The following ASB2 variants were observed in gnomAD, a reference collection of about 807,000 sequenced individuals.
The protein encoded by ASB2 is ankyrin repeat and SOCS box protein 2.
ASB2 carries 58 observed loss-of-function variants against 62.4 expected under a neutral mutation model. That is an observed-to-expected ratio of 0.93 (90% CI 0.75 to 1.16). The LOEUF (loss-of-function observed/expected upper bound fraction) is 1.16. Among genes scored for constraint, ASB2 ranks in the 50% most tolerant of loss-of-function variants. The probability of loss-of-function intolerance (pLI) is 0.00; values close to 1 mark genes in which losing one functional copy is unlikely to be tolerated. For synonymous variants in ASB2, 386 were observed against 385.3 expected (o/e 1.00, Z -0.02); for missense variants, 928 against 887.9 (o/e 1.05, Z -0.57).
rs200689971 is a variant in ASB2 at position 93,954,359 on chromosome 14, C to T, written c.436G>A (p.Ala146Thr). Residue 146 changes from alanine to threonine, a missense_variant, in exon 4 of 10, where the codon GCA becomes ACA. Transcript: ENST00000555019. ...KEGWLPLHEAAYYGQVGCLKV... is the reference protein window; with the variant it reads ...KEGWLPLHEATYYGQVGCLKV... ...AGGCAGCCCACCTGGCCATAGTATG[C>T]GGCCTCGTGCAGCGGCAGCCAGCCC... The T allele has an allele frequency of 3.3e-5, 54 of 1,613,406 alleles. No homozygotes were observed. The highest frequency in any genetic ancestry group is 6.7e-5 in the Admixed American group (4 of 60,026).
intron 1 of ASB2, among the ~76,000 whole-genome samples, chr14:93,974,940 C>T (rs1294178374): frequency 2.0e-5 from 3 of 152,224 alleles, no homozygotes; most frequent in Admixed American, 6.5e-5. Context: ...ACTCATGACC[C>T]GGCCTGTTTG....
At chr14:93,964,208 TG>T in intron 2 of ASB2, 125 bp downstream of exon 2, 1 of 801,676 alleles carries the variant, frequency 1.2e-6, no homozygotes, top group Non-Finnish European at 2.1e-6. Context: ...CAAATGTAAA[TG>T]GGAAAGGTGT....
intron 2 of ASB2, among the ~76,000 whole-genome samples, chr14:93,962,156 C>T (rs1218673501): frequency 3.8e-5 from 4 of 105,398 alleles, no homozygotes; most frequent in Non-Finnish European, 7.2e-5. Context: ...GCTCTGTCGC[C>T]CAGGCTGGAG....
chr14:93,962,215 C>T lies in ASB2; in HGVS notation c.206+2119G>A, dbSNP rs915500661. Reference sequence around the variant, plus strand: ...CTGCAAGCTCCGCCTCCCGGGTTCACACCATTCTCCTGCCTCAGCTTCCCA... The same window carrying T: ...CTGCAAGCTCCGCCTCCCGGGTTCATACCATTCTCCTGCCTCAGCTTCCCA... On this transcript the variant is annotated intron_variant, in intron 2 of 9. Coordinates refer to ENST00000555019, the MANE Select transcript of ASB2 (RefSeq NM_001202429.2). Among the ~76,000 whole-genome samples the T allele has an allele frequency of 3.2e-3, 430 of 133,800 alleles. 1 individual carries two copies. The highest frequency in any genetic ancestry group is 0.011 in the African/African-American group (406 of 36,634). The allele number at this position is 133,800 out of a possible 152,430, so 87.8% of individuals were successfully genotyped here.
chr14:93,934,587 G>A lies in ASB2; in HGVS notation c.*69C>T. On this transcript the variant is annotated 3_prime_UTR_variant, in exon 10 of 10. Transcript: ENST00000555019. ...CTGTCACCAGGTCCCCTTGGAGTTGGGAACACCGACGTCCTGAGACTTAGT... is the reference window on the plus strand; with the variant it reads ...CTGTCACCAGGTCCCCTTGGAGTTGAGAACACCGACGTCCTGAGACTTAGT... 1 of 1,548,394 alleles carries A rather than the reference G, an allele frequency of 6.5e-7. No homozygotes were observed. Among genetic ancestry groups the A allele is most frequent in the Non-Finnish European group, 8.9e-7 (1 of 1,128,422 alleles).
At position 93,934,387 on chromosome 14, in the gene ASB2, G is replaced by T. The variant is rs952724660; in HGVS notation, c.*269C>A. 24 of 471,840 alleles carry T rather than the reference G, an allele frequency of 5.1e-5. No homozygotes were observed. In the Admixed American group the frequency reaches 7.4e-4, roughly 15 times the overall value. 29.2% of individuals were successfully genotyped at this position (471,840 alleles called of 1,614,324 possible). ...CTCTGCCCTGGCCCCAGGAATAGAGGTTTCTGCCATTCCTGAAGGTAGAGA... is the reference window on the plus strand; with the variant it reads ...CTCTGCCCTGGCCCCAGGAATAGAGTTTTCTGCCATTCCTGAAGGTAGAGA... On this transcript the variant is annotated 3_prime_UTR_variant, in exon 10 of 10. Transcript: ENST00000555019.
chr14:93,952,113 G>C (rs3790053), intron 5 of ASB2, among the ~76,000 whole-genome samples: 43,595 of 152,170 alleles, frequency 0.29, 7,927 homozygotes, highest in African/African-American at 0.52. Context: ...CCTGTGTACT[G>C]TTTCAAATAG....
intron 1 of ASB2, among the ~76,000 whole-genome samples, chr14:93,968,603 G>T (rs1889662924): frequency 6.6e-6 from 1 of 152,202 alleles, no homozygotes; most frequent in African/African-American, 2.4e-5. Flanking sequence ...CCTCCCAGCT[G>T]CCCAGCACCC....
chr14:93,963,249 G>A (rs1889470434), intron 2 of ASB2, among the ~76,000 whole-genome samples: 1 of 152,222 alleles, frequency 6.6e-6, no homozygotes. Flanking sequence ...GAGGTTAAGT[G>A]ACTTGCCTGA....
Position 93,937,803 on chromosome 14 carries a change from T to A in ASB2, c.1666A>T (p.Ile556Phe). 3.1e-6 allele frequency: 5 copies of A among 1,611,532 alleles called. No individual in the cohort carries two copies. Among genetic ancestry groups the A allele is most frequent in the Non-Finnish European group, 4.2e-6 (5 of 1,177,888 alleles). The change falls in exon 9 of 10, where the codon ATC (isoleucine) becomes TTC (phenylalanine). Residue 556 changes from isoleucine to phenylalanine, a missense_variant. By Grantham distance (21) the Ile-to-Phe change is conservative. Coordinates refer to ENST00000555019, the MANE Select transcript of ASB2 (RefSeq NM_001202429.2). ...APEVSRWAGPIIDVLLDYVGN... is the reference protein window; with the variant it reads ...APEVSRWAGPFIDVLLDYVGN... Reference sequence around the variant, plus strand: ...ACGTAGTCCAGGAGGACATCGATGATGGGCCCCGCCCAGCGGCTCACCTCT... The same window carrying A: ...ACGTAGTCCAGGAGGACATCGATGAAGGGCCCCGCCCAGCGGCTCACCTCT...
At chr14:93,959,356 G>C (rs925978664) in intron 2 of ASB2, among the ~76,000 whole-genome samples, 1 of 152,222 alleles carries the variant, frequency 6.6e-6, no homozygotes, top group Non-Finnish European at 1.5e-5. Flanking sequence ...ACTGAGATCC[G>C]AGTGCATCCA....
chr14:93,954,540 G>T, intron 3 of ASB2, 57 bp from the exon 4 acceptor site: 1 of 1,549,522 alleles, frequency 6.5e-7, no homozygotes, highest in Middle Eastern at 1.8e-4. Context: ...AGGCCAGGGG[G>T]CCTCTCTCTC....
intron 2 of ASB2, among the ~76,000 whole-genome samples, chr14:93,962,534 G>T (rs1889450372): frequency 6.6e-6 from 1 of 152,158 alleles, no homozygotes; most frequent in South Asian, 2.1e-4. Flanking sequence ...GATGAGGGCT[G>T]CTCGACCTGG....
In ASB2 at chr14:93,956,863, C is replaced by A; in HGVS notation, c.214G>T (p.Ala72Ser). 3 of 1,614,144 alleles carry A rather than the reference C, an allele frequency of 1.9e-6. No homozygotes were observed. Among genetic ancestry groups the A allele is most frequent in the South Asian group, 2.2e-5 (2 of 91,086 alleles). ...AHFYPWTRST[A>S]PPESSPARAP... ...CGGGCCGGCGAACTCTCAGGAGGTG[C>A]AGTGGACCTGGAGGGTGCAGAGCAG... is the stretch of plus-strand genomic sequence containing the variant. The change falls in exon 3 of 10, where the codon GCA becomes TCA. Residue 72 changes from alanine (A) to serine (S), a missense_variant. Transcript: ENST00000555019.
At chr14:93,961,781 G>A (rs1035350814) in intron 2 of ASB2, among the ~76,000 whole-genome samples, 1 of 152,252 alleles carries the variant, frequency 6.6e-6, no homozygotes, top group Non-Finnish European at 1.5e-5. Context: ...AAGTGCGTGT[G>A]TGCCGTGTGA....
chr14:93,974,147 C>T (rs139341426), intron 1 of ASB2: 14 of 152,354 alleles, frequency 9.2e-5, no homozygotes, highest in African/African-American at 3.4e-4. Context: ...CCTCTGAGTT[C>T]CCCTGACCCC....
At chr14:93,944,210 T>A in intron 7 of ASB2, 1 of 327,256 alleles carries the variant, frequency 3.1e-6, no homozygotes, top group South Asian at 2.4e-5. Flanking sequence ...TTTTGGGTGC[T>A]ATTCTTGGGG....
At chr14:93,939,828 C>G (rs1451562901) in intron 7 of ASB2, 156 bp from the exon 8 acceptor site, 1 of 543,054 alleles carries the variant, frequency 1.8e-6, no homozygotes, top group Non-Finnish European at 3.0e-6. Context: ...CGCCGCGGGT[C>G]AACCATTCTC....
rs1351699075 is a variant in ASB2, at chr14:93,953,494, G to A, written c.492C>T (p.Thr164=). 6.3e-7 allele frequency: 1 copy of A among 1,590,172 alleles called. No individual in the cohort carries two copies. Among genetic ancestry groups the A allele is most frequent in the Non-Finnish European group, 8.6e-7 (1 of 1,162,330 alleles). The change falls in exon 5 of 10, where the codon ACC becomes ACT. Residue 164 remains threonine, a synonymous_variant. Coordinates refer to ENST00000555019, the MANE Select transcript of ASB2 (RefSeq NM_001202429.2). ...LKVLQRAYPG[T]IDQRTLQEET... is the part of the protein sequence containing the mutation. ...CCTCCTGCAGGGTGCGCTGGTCGAT[G>A]GTCCCTGGGTACGCTAGGGAGGGCC...
Sources: gnomAD v4.1 joint callset for allele counts (sites outside exome capture counted in the v4.1 genomes callset) on GRCh38, gnomAD v4.1.1 for gene constraint, MANE v1.5 for transcripts, NCBI Gene and HGNC (gene_info 2026-07-23, HGNC 2026-07-21) for gene names.